Variants in BTF3L4 observed in about 807,000 individuals in gnomAD.
BTF3L4 encodes basic transcription factor 3 like 4.
Under a neutral mutation model 16.8 loss-of-function variants are expected in BTF3L4, and 6 were observed. That is an observed-to-expected ratio of 0.36 (90% confidence interval 0.20 to 0.71). The LOEUF (loss-of-function observed/expected upper bound fraction) is 0.71, where lower values mean the gene tolerates loss of function less well. Ranked by LOEUF, BTF3L4 falls within the 30% of genes least tolerant of loss-of-function variation. BTF3L4 has a pLI of 0.58. For missense variants in BTF3L4, 92 were observed against 186.9 expected, an observed-to-expected ratio of 0.49 and a Z score of 2.96; for synonymous variants, 39 against 59.8, an observed-to-expected ratio of 0.65 and a Z score of 1.60.
intron 1 of BTF3L4, among the ~76,000 whole-genome samples, chr1:52,059,015 T>C (rs941020159): frequency 1.3e-5 from 2 of 152,228 alleles, no homozygotes; most frequent in African/African-American, 4.8e-5. Context: ...TGACTATAAT[T>C]TTAGAATCTT....
intron 3 of BTF3L4, among the ~76,000 whole-genome samples, chr1:52,080,331 A>C (rs1643906436): frequency 6.6e-6 from 1 of 152,030 alleles, no homozygotes; most frequent in South Asian, 2.1e-4. Context: ...TTCAGTGTTT[A>C]TTTCTTTAAC....
At chr1:52,085,629 C>G (rs1428427268) in intron 4 of BTF3L4, among the ~76,000 whole-genome samples, 2 of 152,032 alleles carry the variant, frequency 1.3e-5, no homozygotes, top group Non-Finnish European at 1.5e-5. Context: ...GCAGGTGGAT[C>G]CCTTGAGGTC....
intron 3 of BTF3L4, among the ~76,000 whole-genome samples, chr1:52,081,287 A>T (rs561072524): frequency 6.6e-6 from 1 of 150,862 alleles, no homozygotes; most frequent in South Asian, 2.1e-4. Flanking sequence ...GGCACCCACC[A>T]CCATGCCTGG....
intron 2 of BTF3L4, among the ~76,000 whole-genome samples, chr1:52,064,071 C>G (rs554980077): frequency 1.3e-5 from 2 of 152,360 alleles, no homozygotes; most frequent in East Asian, 1.9e-4. Context: ...GCCTATCTTT[C>G]TGATTTCATA....
intron 1 of BTF3L4, among the ~76,000 whole-genome samples, chr1:52,057,936 AC>A: frequency 6.6e-6 from 1 of 152,036 alleles, no homozygotes; most frequent in Non-Finnish European, 1.5e-5. Context: ...TGGCATCCCA[AC>A]CTCTGTCTGT....
rs959877797 is a variant in BTF3L4, at chr1:52,089,974, C to T, written c.*3216C>T. On this transcript the variant is annotated 3_prime_UTR_variant, in exon 6 of 6. Transcript: ENST00000313334. ...AATTCAGTGTTTAACCCTAGGTATG[C>T]TACATACCCATAAATAAGATACCAT... The T allele has an allele frequency of 7.9e-5, 12 of 152,152 alleles. No individual in the cohort carries two copies. The highest frequency in any genetic ancestry group is 4.6e-4 in the Admixed American group (7 of 15,266). 9.4% of individuals were successfully genotyped at this position (152,152 alleles called of 1,614,324 possible).
chr1:52,066,799 C>CCA (rs1312482138), intron 3 of BTF3L4, among the ~76,000 whole-genome samples: 1 of 150,712 alleles, frequency 6.6e-6, no homozygotes, highest in African/African-American at 2.4e-5. Context: ...TGAGCCGAGA[C>CCA]CACGCCACTG....
chr1:52,073,546 A>T (rs1302880230), intron 3 of BTF3L4, among the ~76,000 whole-genome samples: 1 of 151,012 alleles, frequency 6.6e-6, no homozygotes, highest in East Asian at 1.9e-4. Flanking sequence ...TTACAGCTAG[A>T]TGTACAATTT....
At chr1:52,073,038 A>G (rs909714859) in intron 3 of BTF3L4, among the ~76,000 whole-genome samples, 70 of 152,214 alleles carry the variant, frequency 4.6e-4, no homozygotes, top group African/African-American at 1.7e-3. Context: ...AGCCTGAGCA[A>G]CAGAGCAAGA....
chr1:52,061,502 A>G (rs1686507999), intron 2 of BTF3L4, among the ~76,000 whole-genome samples: 1 of 151,870 alleles, frequency 6.6e-6, no homozygotes, highest in South Asian at 2.1e-4. Context: ...AAAAAAAAAA[A>G]AAAAGAAATA....
intron 4 of BTF3L4, among the ~76,000 whole-genome samples, chr1:52,084,274 G>C (rs955659902): frequency 1.3e-5 from 2 of 151,936 alleles, no homozygotes; most frequent in African/African-American, 4.8e-5. Context: ...CGAGTAGCAG[G>C]GACTACAGGT....
intron 4 of BTF3L4, among the ~76,000 whole-genome samples, chr1:52,084,062 A>G (rs1222661098): frequency 6.6e-6 from 1 of 152,062 alleles, no homozygotes; most frequent in Non-Finnish European, 1.5e-5. Flanking sequence ...TTTGGTAGTA[A>G]TAATAGTAAG....
intron 3 of BTF3L4, among the ~76,000 whole-genome samples, chr1:52,082,286 G>T (rs1160025141): frequency 1.3e-5 from 2 of 152,182 alleles, no homozygotes; most frequent in Non-Finnish European, 2.9e-5. Flanking sequence ...ATCTGAAATA[G>T]TTCATATTGG....
intron 2 of BTF3L4, among the ~76,000 whole-genome samples, chr1:52,064,129 A>AT (rs1202830036): frequency 2.0e-5 from 3 of 152,078 alleles, no homozygotes; most frequent in African/African-American, 7.2e-5. Context: ...ATACTGGCCC[A>AT]TTTTCTCTCT....
rs753910747 is a variant in BTF3L4, at chr1:52,063,215, T to G, written c.55-1610T>G. Reference sequence around the variant, plus strand: ...TAGGATAACCCTCAGATTCATGATTTTAGAGACTTGAGTATATGGTGGTAC... The same window carrying G: ...TAGGATAACCCTCAGATTCATGATTGTAGAGACTTGAGTATATGGTGGTAC... On this transcript the variant is annotated intron_variant, in intron 2 of 5. Coordinates refer to ENST00000313334, the MANE Select transcript of BTF3L4 (RefSeq NM_152265.5). Among the ~76,000 whole-genome samples, 4 of 152,222 alleles carry G rather than the reference T, an allele frequency of 2.6e-5. No homozygotes were observed. The South Asian group carries it at 8.3e-4, about 32-fold the overall frequency.
chr1:52,059,891 T>G lies in BTF3L4; in HGVS notation c.44T>G (p.Ile15Arg). The G allele has an allele frequency of 6.2e-7, 1 of 1,612,286 alleles. No individual in the cohort carries two copies. The highest frequency in any genetic ancestry group is 8.5e-7 in the Non-Finnish European group (1 of 1,179,040). ...GCCAAACTTCAGGCTCAGGTCCGGA[T>G]AGGGGGCAAGGTGAGTGTGGCATAA... is the stretch of plus-strand genomic sequence containing the variant. Reference protein sequence around the residue: ...KLAKLQAQVRIGGKGTARRKK... With the variant: ...KLAKLQAQVRRGGKGTARRKK... Residue 15 changes from isoleucine to arginine, a missense_variant, in exon 2 of 6, where the codon ATA (isoleucine) becomes AGA (arginine). Transcript: ENST00000313334.
At chr1:52,073,729 G>T (rs1334108720) in intron 3 of BTF3L4, among the ~76,000 whole-genome samples, 7 of 150,652 alleles carry the variant, frequency 4.6e-5, no homozygotes, top group African/African-American at 1.7e-4. Flanking sequence ...GCCAGGCTGG[G>T]TGGCTCAAGC....
chr1:52,074,950 T>G (rs947394455), intron 3 of BTF3L4, among the ~76,000 whole-genome samples: 5 of 151,952 alleles, frequency 3.3e-5, no homozygotes, highest in African/African-American at 1.2e-4. Flanking sequence ...AGAGATGAGG[T>G]CTCCCTATGT....
chr1:52,081,082 C>T (rs914657887), intron 3 of BTF3L4, among the ~76,000 whole-genome samples: 1 of 152,030 alleles, frequency 6.6e-6, no homozygotes, highest in Admixed American at 6.6e-5. Flanking sequence ...TCGTGATCCA[C>T]CCGCCTCAGC....
Sources: gnomAD v4.1 joint callset for allele counts (sites outside exome capture counted in the v4.1 genomes callset) on GRCh38, gnomAD v4.1.1 for gene constraint, MANE v1.5 for transcripts, NCBI Gene and HGNC (gene_info 2026-07-23, HGNC 2026-07-21) for gene names.